The following KLC1 variants were observed in gnomAD, a reference collection of about 807,000 sequenced individuals.
KLC1 encodes kinesin 2 60/70kDa.
Under a neutral mutation model 84.2 loss-of-function variants are expected in KLC1, and 30 were observed. The observed-to-expected ratio is 0.36, with a 90% CI of 0.27 to 0.48. The LOEUF (loss-of-function observed/expected upper bound fraction) is 0.48, where lower values mean the gene tolerates loss of function less well. KLC1 is among the 20% of genes least tolerant of loss of function. KLC1 has a pLI of 0.99. For synonymous variants in KLC1, 289 were observed against 293.3 expected, an observed-to-expected ratio of 0.99 and a Z score of 0.15; for missense variants, 499 against 805.4, an observed-to-expected ratio of 0.62 and a Z score of 4.60.
chr14:103,674,835 G>T (rs888235142), intron 9 of KLC1, among the ~76,000 whole-genome samples: 6 of 152,114 alleles, frequency 3.9e-5, no homozygotes, highest in African/African-American at 1.4e-4. Context: ...TGAGCAGCTG[G>T]CATTTTAGAA....
At position 103,666,256 on chromosome 14, in the gene KLC1, A is replaced by G. The variant is rs61995789; in HGVS notation, c.798-3255A>G. 2.7e-3 allele frequency among the ~76,000 whole-genome samples: 407 copies of G among 151,580 alleles called. 3 individuals carry two copies. The highest frequency in any genetic ancestry group is 9.8e-3 in the South Asian group (47 of 4,794). Reference sequence around the variant, plus strand: ...TTTTTTGTATTTTTAGTAGAGACGGAGTTTCACCATGTTAGCCAGGATGGT... The same window carrying G: ...TTTTTTGTATTTTTAGTAGAGACGGGGTTTCACCATGTTAGCCAGGATGGT... On this transcript the variant is annotated intron_variant, in intron 5 of 16. Transcript: ENST00000334553.
At chr14:103,658,607 T>C (rs905574676) in intron 3 of KLC1, among the ~76,000 whole-genome samples, 2 of 150,966 alleles carry the variant, frequency 1.3e-5, no homozygotes, top group Admixed American at 1.3e-4. Flanking sequence ...TGGATGTTTA[T>C]CCTAGTCTCA....
intron 13 of KLC1, 94 bp from the exon 14 acceptor site, chr14:103,686,987 G>C: frequency 1.1e-6 from 1 of 902,070 alleles, no homozygotes; most frequent in East Asian, 3.0e-5. Context: ...CAAGCAGGGC[G>C]GCCTTGGTGG....
At chr14:103,691,756 C>T (rs1251260183) in intron 14 of KLC1, among the ~76,000 whole-genome samples, 1 of 151,930 alleles carries the variant, frequency 6.6e-6, no homozygotes, top group African/African-American at 2.4e-5. Context: ...GCCACTGCAG[C>T]TGGTCTTTTT....
intron 1 of KLC1, among the ~76,000 whole-genome samples, chr14:103,634,910 T>A (rs2076941412): frequency 6.6e-6 from 1 of 152,158 alleles, no homozygotes; most frequent in Non-Finnish European, 1.5e-5. Flanking sequence ...ATATTACCTC[T>A]TAAGGATGGA....
rs1465815462 is a variant in KLC1 at position 103,650,413 on chromosome 14, C to G, written c.-1-4151C>G. Reference sequence around the variant, plus strand: ...GCATTGTTTTGGCTGATTCCTTGTTCCATTGAATCATCTCCAGGCATACAC... The same window carrying G: ...GCATTGTTTTGGCTGATTCCTTGTTGCATTGAATCATCTCCAGGCATACAC... On this transcript the variant is annotated intron_variant, in intron 1 of 16. Transcript: ENST00000334553. Among the ~76,000 whole-genome samples the G allele has an allele frequency of 2.6e-5, 4 of 152,060 alleles. 1 individual carries two copies. The highest frequency in any genetic ancestry group is 1.5e-5 in the Non-Finnish European group (1 of 68,030).
At chr14:103,668,687 G>C (rs939059064) in intron 5 of KLC1, among the ~76,000 whole-genome samples, 3 of 152,042 alleles carry the variant, frequency 2.0e-5, no homozygotes, top group Non-Finnish European at 4.4e-5. Flanking sequence ...CACTGTGTTA[G>C]CAAGGATGGT....
At chr14:103,698,505 G>T in intron 15 of KLC1, 1 of 473,806 alleles carries the variant, frequency 2.1e-6, no homozygotes, top group East Asian at 4.1e-5. Flanking sequence ...GGACACCCCA[G>T]GCTCCAGCCC....
intron 15 of KLC1, chr14:103,697,133 A>G: frequency 1.0e-6 from 1 of 985,062 alleles, no homozygotes; most frequent in Non-Finnish European, 1.2e-6. Flanking sequence ...CAGAAATAAA[A>G]TGTCTTACTT....
chr14:103,629,672 C>G (rs1160760186), intron 1 of KLC1, among the ~76,000 whole-genome samples, 178 bp downstream of exon 1: 1 of 152,128 alleles, frequency 6.6e-6, no homozygotes, highest in Non-Finnish European at 1.5e-5. Context: ...GTTCACCGCC[C>G]CGGCCGGTCC....
chr14:103,698,353 T>C, intron 15 of KLC1: 1 of 237,556 alleles, frequency 4.2e-6, no homozygotes, highest in Non-Finnish European at 8.5e-6. Flanking sequence ...CTGCCCTGTG[T>C]GCAGGAGGGG....
intron 11 of KLC1, 68 bp from the exon 12 acceptor site, chr14:103,677,347 T>C (rs900182248): frequency 7.9e-5 from 69 of 877,582 alleles, no homozygotes; most frequent in Middle Eastern, 4.4e-4. Context: ...CTTTAGATTA[T>C]GTGCTGTTGA....
At chr14:103,686,082 T>G (rs2081762637) in intron 13 of KLC1, 1 of 1,018,274 alleles carries the variant, frequency 9.8e-7, no homozygotes, top group Non-Finnish European at 1.2e-6. Context: ...GGACTCCGGG[T>G]CTCCCTAGGA....
chr14:103,680,683 A>G (rs2081277176), intron 13 of KLC1, among the ~76,000 whole-genome samples: 1 of 152,174 alleles, frequency 6.6e-6, no homozygotes, highest in Non-Finnish European at 1.5e-5. Context: ...AGTAGTCTAA[A>G]CTGAAATCCT....
rs2082250197 is a variant in KLC1, at chr14:103,693,677, C to A, written c.1848+1252C>A. 5 of 1,523,074 alleles carry A rather than the reference C, an allele frequency of 3.3e-6. No homozygotes were observed. Among genetic ancestry groups the A allele is most frequent in the African/African-American group, 2.8e-5 (2 of 72,642 alleles). 94.3% of individuals were successfully genotyped at this position (1,523,074 alleles called of 1,614,324 possible). A position where few individuals can be genotyped will look rare whatever the true frequency, so the allele number is the denominator to read the frequency against. ...TGTGAGACCGCCCCGCCCTGCCACG[C>A]CCCTCACCGCCCTGCCCGGAGGCGC... On this transcript the variant is annotated intron_variant, in intron 15 of 16. Coordinates refer to ENST00000334553, the MANE Select transcript of KLC1 (RefSeq NM_001394837.1). The surrounding 1 kb of genome is among the most constrained non-coding windows in gnomAD (Gnocchi z 5.1).
At chr14:103,644,853 A>G (rs1349387965) in intron 1 of KLC1, among the ~76,000 whole-genome samples, 1 of 152,232 alleles carries the variant, frequency 6.6e-6, no homozygotes, top group Non-Finnish European at 1.5e-5. Flanking sequence ...TGAATAAAGT[A>G]GAGGCTCAGT....
At chr14:103,676,180 T>G (rs2080860803) in intron 11 of KLC1, among the ~76,000 whole-genome samples, 1 of 152,146 alleles carries the variant, frequency 6.6e-6, no homozygotes, top group African/African-American at 2.4e-5. Flanking sequence ...CCGAGAGCCT[T>G]GCCTCTTGAG....
At chr14:103,675,656 A>C in intron 10 of KLC1, 33 bp from the exon 11 acceptor site, 1 of 1,604,858 alleles carries the variant, frequency 6.2e-7, no homozygotes, top group Non-Finnish European at 8.5e-7. Context: ...ATTCAAGATA[A>C]TTATTCATTT....
intron 12 of KLC1, among the ~76,000 whole-genome samples, chr14:103,678,178 G>T (rs953785068): frequency 2.2e-4 from 33 of 152,126 alleles, no homozygotes; most frequent in Non-Finnish European, 4.3e-4. Flanking sequence ...CAGGAGAGTC[G>T]CTTGAACTCA....
Sources: allele counts gnomAD v4.1 joint callset (sites outside exome capture counted in the v4.1 genomes callset), GRCh38; gene constraint gnomAD v4.1.1; non-coding constraint Gnocchi (gnomAD v3.1); transcripts MANE v1.5; gene names NCBI Gene and HGNC (gene_info 2026-07-23, HGNC 2026-07-21).